Variants in CEP290 observed in about 807,000 individuals in gnomAD.
The protein encoded by CEP290 is centrosomal protein of 290 kDa.
CEP290 carries 317 observed loss-of-function variants against 344.9 expected under a neutral mutation model. That is an observed-to-expected ratio of 0.92 (90% CI 0.84 to 1.01). The LOEUF (loss-of-function observed/expected upper bound fraction) is 1.01, where lower values mean the gene tolerates loss of function less well. Among genes scored for constraint, CEP290 ranks in the 50% least tolerant of loss-of-function variants. The pLI, the probability that CEP290 is intolerant of heterozygous loss-of-function variation, is 0.00. For missense variants in CEP290, 2,754 were observed against 2,761.4 expected (o/e 1.00, Z 0.06); for synonymous variants, 932 against 895.8 (o/e 1.04, Z -0.72).
At position 88,131,151 on chromosome 12, in the gene CEP290, C is replaced by A; in HGVS notation, c.495+14G>T. ...TACCTTTGTTGAACCACCACAACTA[C>A]TAAAATTTTTTACCTCTCTTCTTAA... On this transcript the variant is annotated intron_variant, in intron 7 of 53. Coordinates refer to ENST00000552810, the MANE Select transcript of CEP290 (RefSeq NM_025114.4). 1.3e-6 allele frequency: 2 copies of A among 1,505,728 alleles called. No individual in the cohort carries two copies. Among genetic ancestry groups the A allele is most frequent in the Admixed American group, 2.4e-5 (1 of 41,058 alleles). The allele number at this position is 1,505,728 out of a possible 1,614,324, so 93.3% of individuals were successfully genotyped here.
intron 23 of CEP290, among the ~76,000 whole-genome samples, chr12:88,108,400 A>G (rs760618148): frequency 1.3e-5 from 2 of 152,214 alleles, no homozygotes; most frequent in African/African-American, 2.4e-5. Flanking sequence ...GAATTCATGC[A>G]GCTATTTTAC....
chr12:88,136,457 A>G (rs1446627665), intron 6 of CEP290, 186 bp downstream of exon 6: 1 of 589,300 alleles, frequency 1.7e-6, no homozygotes, highest in African/African-American at 1.9e-5. Context: ...AGTCATATTC[A>G]CTAGAAGTAC....
At chr12:88,068,289 C>CA (rs2136905443) in intron 44 of CEP290, among the ~76,000 whole-genome samples, 1 of 151,994 alleles carries the variant, frequency 6.6e-6, no homozygotes, top group East Asian at 1.9e-4. Flanking sequence ...TTCTAGAAAT[C>CA]ATTTATGAGC....
At chr12:88,109,328 T>C (rs2038513807) in intron 22 of CEP290, 147 bp from the exon 23 acceptor site, 2 of 469,790 alleles carry the variant, frequency 4.3e-6, no homozygotes, top group South Asian at 6.7e-5. Context: ...TTTTCCATGA[T>C]ATTTTGAACA....
At chr12:88,092,656 G>A (rs1300128990) in intron 29 of CEP290, 25 bp downstream of exon 29, 6 of 1,581,584 alleles carry the variant, frequency 3.8e-6, no homozygotes, top group Non-Finnish European at 5.2e-6. Flanking sequence ...CTAGTCAAAT[G>A]GCTAAAATGC....
At chr12:88,122,788 A>G (rs990725593) in intron 13 of CEP290, among the ~76,000 whole-genome samples, 1 of 152,136 alleles carries the variant, frequency 6.6e-6, no homozygotes, top group Non-Finnish European at 1.5e-5. Flanking sequence ...TAAACACATA[A>G]ATAGAAATAC....
chr12:88,096,808 G>C, intron 27 of CEP290, 80 bp downstream of exon 27: 1 of 707,618 alleles, frequency 1.4e-6, no homozygotes, highest in South Asian at 2.1e-5. Context: ...TTTTAATCTA[G>C]CATAAAAAAG....
intron 51 of CEP290, 122 bp from the exon 52 acceptor site, chr12:88,053,868 A>C (rs1592720425): frequency 3.8e-6 from 2 of 530,702 alleles, no homozygotes; most frequent in South Asian, 5.8e-5. Flanking sequence ...ATCGAAGTAA[A>C]CATTTACTCT....
chr12:88,114,697 A>T, intron 19 of CEP290, 135 bp from the exon 20 acceptor site: 2 of 779,958 alleles, frequency 2.6e-6, no homozygotes, highest in Non-Finnish European at 3.8e-6. Flanking sequence ...CATACAAAAA[A>T]ATTCAACTAT....
Position 88,129,044 on chromosome 12 carries a change from CA to C in CEP290, c.853-10del, listed in dbSNP as rs201265955. 5.9e-6 allele frequency: 8 copies of C among 1,352,772 alleles called. No individual in the cohort carries two copies. The highest frequency in any genetic ancestry group is 1.5e-5 in the South Asian group (1 of 65,644). The allele number at this position is 1,352,772 out of a possible 1,614,324, so 83.8% of individuals were successfully genotyped here. A position where few individuals can be genotyped will look rare whatever the true frequency, so the allele number is the denominator to read the frequency against. On this transcript the variant is annotated splice_polypyrimidine_tract_variant and intron_variant, in intron 10 of 53. Coordinates refer to ENST00000552810, the MANE Select transcript of CEP290 (RefSeq NM_025114.4). ...TCTGTAAGCTCCTGCACCTAAAAGACAAAGTTATTTCAAGAGTTGTTGCAAA... is the reference window on the plus strand; with the variant it reads ...TCTGTAAGCTCCTGCACCTAAAAGACAAGTTATTTCAAGAGTTGTTGCAAA...
chr12:88,116,510 C>G (rs1291182340), intron 18 of CEP290, among the ~76,000 whole-genome samples: 1 of 152,154 alleles, frequency 6.6e-6, no homozygotes, highest in East Asian at 1.9e-4. Context: ...TATGCAGCAG[C>G]TCTGCTTTAT....
intron 6 of CEP290, among the ~76,000 whole-genome samples, chr12:88,133,849 C>T (rs574406970): frequency 7.9e-5 from 12 of 152,256 alleles, no homozygotes; most frequent in Admixed American, 3.9e-4. Context: ...GAAATTTTTA[C>T]AAGAAGAGAA....
Position 88,084,609 on chromosome 12 carries a change from G to T in CEP290, c.4681C>A (p.Arg1561Ser). 1 of 1,611,730 alleles carries T rather than the reference G, an allele frequency of 6.2e-7. No individual in the cohort carries two copies. ...QKEEVLKKYQRLLEKAREEQR... is the reference protein window; with the variant it reads ...QKEEVLKKYQSLLEKAREEQR... ...ACCTCTCTGGCTTTTTCTAGAAGAC[G>T]TTGATACTTCTTTAATACTTCTTCT... The change falls in exon 35 of 54, where the codon CGT becomes AGT. Residue 1561 changes from arginine (R) to serine (S), a missense_variant. Physicochemically the swap from Arg to Ser is moderately radical, Grantham distance 110. Transcript: ENST00000552810.
chr12:88,064,794 G>A (rs1000972137), intron 44 of CEP290, among the ~76,000 whole-genome samples: 3 of 152,002 alleles, frequency 2.0e-5, no homozygotes, highest in Admixed American at 6.6e-5. Context: ...GGACTTCTAG[G>A]TCTCCAGAAC....
chr12:88,052,657 A>G (rs1401949519), intron 52 of CEP290, among the ~76,000 whole-genome samples: 1 of 152,164 alleles, frequency 6.6e-6, no homozygotes, highest in Non-Finnish European at 1.5e-5. Flanking sequence ...ATATATATAC[A>G]TACACGCATA....
Position 88,087,861 on chromosome 12 carries a change from T to G in CEP290, c.4113A>C (p.Glu1371Asp). ...AAATTATGTTATTCAAATATTTTAT[T>G]TCTTCTTTATCCTTGACTAATTCCC... ...LNRELVKDKE[E>D]IKYLNNIISE... The change falls in exon 32 of 54, where the codon GAA (glutamate) becomes GAC (aspartate). Residue 1371 changes from glutamate to aspartate, a missense_variant. Glu to Asp is a conservative substitution (Grantham distance 45, BLOSUM62 2). Transcript: ENST00000552810. The G allele has an allele frequency of 1.6e-6, 2 of 1,263,112 alleles. No individual in the cohort carries two copies. The highest frequency in any genetic ancestry group is 2.0e-6 in the Non-Finnish European group (2 of 983,240). The allele number at this position is 1,263,112 out of a possible 1,614,324, so 78.2% of individuals were successfully genotyped here. A position where few individuals can be genotyped will look rare whatever the true frequency, so the allele number is the denominator to read the frequency against.
intron 12 of CEP290, 131 bp from the exon 13 acceptor site, chr12:88,125,500 T>C (rs1414603181): frequency 5.5e-6 from 2 of 361,638 alleles, no homozygotes; most frequent in East Asian, 4.3e-5. Context: ...GTATGCCTTT[T>C]ACCATTTTGT....
intron 10 of CEP290, 91 bp downstream of exon 10, chr12:88,129,603 A>T (rs1299234046): frequency 1.4e-6 from 1 of 728,292 alleles, no homozygotes; most frequent in Non-Finnish European, 2.1e-6. Flanking sequence ...AAAAATTCAC[A>T]TCCTAGAAAA....
chr12:88,077,034 A>C (rs1454743625), intron 41 of CEP290, among the ~76,000 whole-genome samples, 188 bp downstream of exon 41: 1 of 152,082 alleles, frequency 6.6e-6, no homozygotes, highest in East Asian at 1.9e-4. Flanking sequence ...GTAGACTCTA[A>C]ATTCCTACAG....
Sources: gnomAD v4.1 joint callset for allele counts (sites outside exome capture counted in the v4.1 genomes callset) on GRCh38, gnomAD v4.1.1 for gene constraint, MANE v1.5 for transcripts, NCBI Gene and HGNC (gene_info 2026-07-23, HGNC 2026-07-21) for gene names.